Variants in STX8 observed in about 807,000 individuals in gnomAD.
STX8 encodes syntaxin 8, also known as syntaxin-8.
A neutral mutation model predicts 37.5 loss-of-function variants in STX8; 23 were observed. The observed-to-expected ratio is 0.61, with a 90% CI of 0.44 to 0.87. The LOEUF (loss-of-function observed/expected upper bound fraction) is 0.87, where lower values mean the gene tolerates loss of function less well. STX8 is among the 40% of genes least tolerant of loss of function. The pLI is 0.00. For synonymous variants in STX8, 115 were observed against 99.1 expected, an observed-to-expected ratio of 1.16 and a Z score of -0.95; for missense variants, 313 against 284.7, an observed-to-expected ratio of 1.10 and a Z score of -0.71.
chr17:9,522,541 C>A (rs1170427060), intron 4 of STX8, among the ~76,000 whole-genome samples: 4,407 of 66,626 alleles, frequency 0.066, 381 homozygotes, highest in African/African-American at 0.17. Context: ...ACTAAAAATC[C>A]AAAAAAAAAA....
At chr17:9,466,424 A>G (rs889040439) in intron 6 of STX8, among the ~76,000 whole-genome samples, 6 of 152,206 alleles carry the variant, frequency 3.9e-5, no homozygotes, top group African/African-American at 1.4e-4. Context: ...AGAGTGGACT[A>G]AATTCATTAA....
chr17:9,473,046 C>CTT (rs11309971), intron 6 of STX8, among the ~76,000 whole-genome samples: 1 of 145,624 alleles, frequency 6.9e-6, no homozygotes, highest in South Asian at 2.2e-4. Flanking sequence ...ATCTTTTTTT[C>CTT]TTTTTTTTTT....
chr17:9,438,711 A>G (rs944850291), intron 6 of STX8, among the ~76,000 whole-genome samples: 1 of 152,046 alleles, frequency 6.6e-6, no homozygotes, highest in Non-Finnish European at 1.5e-5. Flanking sequence ...GGTGGATCAC[A>G]AGGTCAGGAG....
intron 7 of STX8, among the ~76,000 whole-genome samples, chr17:9,305,848 G>A (rs111648273): frequency 0.014 from 2,134 of 147,730 alleles, 49 homozygotes; most frequent in African/African-American, 0.052. Flanking sequence ...AGGTTCAAGC[G>A]ATTCTCCTGC....
At chr17:9,400,409 AT>A (rs1304977741) in intron 6 of STX8, among the ~76,000 whole-genome samples, 182 of 112,870 alleles carry the variant, frequency 1.6e-3, no homozygotes, top group African/African-American at 3.8e-3. Flanking sequence ...TTATTTATTT[AT>A]TTTTTTTTTT....
At chr17:9,571,753 A>G (rs193094477) in intron 1 of STX8, among the ~76,000 whole-genome samples, 551 of 152,076 alleles carry the variant, frequency 3.6e-3, no homozygotes, top group Non-Finnish European at 5.1e-3. Flanking sequence ...CATCTCTACT[A>G]AAAATACAAA....
chr17:9,458,449 A>G (rs1170619145), intron 6 of STX8, among the ~76,000 whole-genome samples: 1 of 152,146 alleles, frequency 6.6e-6, no homozygotes, highest in Non-Finnish European at 1.5e-5. Flanking sequence ...GTGCCCTGCC[A>G]ATATGCTGGC....
intron 6 of STX8, among the ~76,000 whole-genome samples, chr17:9,461,975 G>C (rs926960761): frequency 5.3e-5 from 8 of 152,060 alleles, no homozygotes; most frequent in African/African-American, 1.9e-4. Context: ...TAACGCTGCC[G>C]CTCATCTGAC....
chr17:9,283,560 G>T (rs925573725), intron 7 of STX8, among the ~76,000 whole-genome samples: 1 of 152,082 alleles, frequency 6.6e-6, no homozygotes, highest in Non-Finnish European at 1.5e-5. Context: ...ACAAATAAAA[G>T]AAATAGAATT....
At chr17:9,251,939 G>C (rs989663527) in intron 7 of STX8, among the ~76,000 whole-genome samples, 1 of 150,926 alleles carries the variant, frequency 6.6e-6, no homozygotes, top group African/African-American at 2.4e-5. Context: ...CAAGGCGGGC[G>C]GATCATCTGA....
chr17:9,391,395 T>G (rs1280632543), intron 6 of STX8, among the ~76,000 whole-genome samples: 1 of 152,050 alleles, frequency 6.6e-6, no homozygotes, highest in African/African-American at 2.4e-5. Context: ...GAGGTTGCAG[T>G]GAGCGGAGAT....
intron 7 of STX8, among the ~76,000 whole-genome samples, chr17:9,254,850 T>C (rs1310468491): frequency 1.3e-5 from 2 of 152,028 alleles, no homozygotes; most frequent in Non-Finnish European, 2.9e-5. Context: ...CGCACGTGTG[T>C]GCATGTGTGT....
chr17:9,318,004 TC>T (rs1458999420), intron 7 of STX8, among the ~76,000 whole-genome samples: 12 of 152,098 alleles, frequency 7.9e-5, no homozygotes, highest in Non-Finnish European at 1.8e-4. Flanking sequence ...CCTTTCTACT[TC>T]CCAATTCTTA....
At chr17:9,258,606 A>G (rs913852035) in intron 7 of STX8, among the ~76,000 whole-genome samples, 10 of 152,214 alleles carry the variant, frequency 6.6e-5, no homozygotes, top group East Asian at 3.9e-4. Flanking sequence ...TCTTGAATCT[A>G]TCTTACCCCA....
chr17:9,299,442 T>C (rs1003184770), intron 7 of STX8, among the ~76,000 whole-genome samples: 197 of 8,130 alleles, frequency 0.024, no homozygotes, highest in African/African-American at 0.13. Flanking sequence ...TCTTACGCTT[T>C]TTTTTTTTTT....
intron 6 of STX8, among the ~76,000 whole-genome samples, chr17:9,472,300 C>A (rs1372308443): frequency 6.6e-6 from 1 of 152,200 alleles, no homozygotes; most frequent in Non-Finnish European, 1.5e-5. Context: ...CCTTTTGCCA[C>A]TTTATCCACG....
At chr17:9,443,616 A>G in intron 6 of STX8, among the ~76,000 whole-genome samples, 1 of 152,100 alleles carries the variant, frequency 6.6e-6, no homozygotes, top group East Asian at 1.9e-4. Context: ...TCATTGTCCA[A>G]CTGTGCAATA....
At chr17:9,568,664 C>A (rs1231452007) in intron 1 of STX8, among the ~76,000 whole-genome samples, 194 bp from the exon 2 acceptor site, 2 of 152,136 alleles carry the variant, frequency 1.3e-5, no homozygotes, top group African/African-American at 2.4e-5. Flanking sequence ...TCATGCCTGG[C>A]TAATTTTTTG....
intron 6 of STX8, among the ~76,000 whole-genome samples, chr17:9,429,560 G>A (rs12945410): frequency 0.57 from 78,333 of 137,760 alleles, 23,980 homozygotes; most frequent in African/African-American, 0.79. Context: ...AAAATTAGCC[G>A]GGCGTGGTGG....
Sources: gnomAD v4.1 joint callset for allele counts (sites outside exome capture counted in the v4.1 genomes callset) on GRCh38, gnomAD v4.1.1 for gene constraint, MANE v1.5 for transcripts, NCBI Gene and HGNC (gene_info 2026-07-23, HGNC 2026-07-21) for gene names.